OPHN1: variants seen among roughly 807,000 people sequenced by gnomAD.
The protein encoded by OPHN1 is oligophrenin 1.
Under a neutral mutation model 60.7 loss-of-function variants are expected in OPHN1, and 11 were observed. The ratio of observed to expected loss-of-function variants is 0.18; its 90% CI spans 0.11 to 0.30. OPHN1 has a LOEUF of 0.30. Ranked by LOEUF, OPHN1 falls within the 10% of genes least tolerant of loss-of-function variation. The probability of loss-of-function intolerance (pLI) is 1.00; values close to 1 mark genes in which losing one functional copy is unlikely to be tolerated. For missense variants in OPHN1, 449 were observed against 611.0 expected, an observed-to-expected ratio of 0.73 and a Z score of 2.80; for synonymous variants, 226 against 222.6, an observed-to-expected ratio of 1.02 and a Z score of -0.14.
At chrX:68,285,456 AT>A (rs1419040144) in intron 3 of OPHN1, among the ~76,000 whole-genome samples, 3 of 110,085 alleles carry the variant, frequency 2.7e-5, no homozygotes, top group African/African-American at 6.6e-5. Context: ...TTTTTCTCTT[AT>A]TTTTTACAAG....
intron 2 of OPHN1, among the ~76,000 whole-genome samples, chrX:68,400,282 G>T (rs1176233265): frequency 9.0e-6 from 1 of 111,154 alleles, no homozygotes; most frequent in Non-Finnish European, 1.9e-5. Context: ...GCTTTGCAGG[G>T]CGTTTTGTCC....
At chrX:68,144,270 T>A (rs1448635244) in intron 15 of OPHN1, among the ~76,000 whole-genome samples, 1 of 110,496 alleles carries the variant, frequency 9.1e-6, no homozygotes, top group Non-Finnish European at 1.9e-5. Flanking sequence ...GCTCAAGCAA[T>A]CCTCTCACGT....
chrX:68,056,904 T>C (rs2076875248), intron 21 of OPHN1, among the ~76,000 whole-genome samples: 1 of 111,700 alleles, frequency 9.0e-6, no homozygotes, highest in Admixed American at 9.5e-5. Context: ...ATTATAATAA[T>C]AATAGTAATG....
intron 21 of OPHN1, among the ~76,000 whole-genome samples, chrX:68,062,498 T>C (rs1489769742): frequency 1.8e-5 from 2 of 112,240 alleles, no homozygotes; most frequent in Non-Finnish European, 3.8e-5. Context: ...TTACAGGCTA[T>C]ATAAAAAGAG....
chrX:68,137,424 GC>G (rs1486256438), intron 15 of OPHN1, among the ~76,000 whole-genome samples: 1 of 111,491 alleles, frequency 9.0e-6, no homozygotes, highest in African/African-American at 3.3e-5. Flanking sequence ...AGTATTTCTG[GC>G]CCAACCTGAC....
chrX:68,367,827 T>A (rs2078507165), intron 2 of OPHN1, among the ~76,000 whole-genome samples: 1 of 111,059 alleles, frequency 9.0e-6, no homozygotes, highest in African/African-American at 3.3e-5. Flanking sequence ...GGGCACTCAT[T>A]CTCTCTCTTG....
chrX:68,383,130 T>G (rs1400092574), intron 2 of OPHN1, among the ~76,000 whole-genome samples: 1 of 110,475 alleles, frequency 9.1e-6, no homozygotes, highest in Non-Finnish European at 1.9e-5. Flanking sequence ...AAGACCAGCC[T>G]GGACAACATA....
chrX:68,172,528 G>T (rs372104870), intron 15 of OPHN1, among the ~76,000 whole-genome samples: 28 of 111,238 alleles, frequency 2.5e-4, no homozygotes, highest in African/African-American at 8.8e-4. Context: ...TTCTATGACA[G>T]ATTTATCATA....
chrX:68,271,676 G>A (rs1409759356), intron 5 of OPHN1, among the ~76,000 whole-genome samples: 2 of 111,818 alleles, frequency 1.8e-5, no homozygotes, highest in African/African-American at 3.2e-5. Flanking sequence ...AGTGACCAGC[G>A]GAGAAGGTAT....
chrX:68,160,513 A>C (rs1276791703), intron 15 of OPHN1, among the ~76,000 whole-genome samples: 5 of 111,592 alleles, frequency 4.5e-5, no homozygotes, highest in Non-Finnish European at 9.4e-5. Context: ...CATATTCCAG[A>C]ATATACCATA....
At chrX:68,292,364 T>C (rs2078074626) in intron 3 of OPHN1, among the ~76,000 whole-genome samples, 1 of 112,076 alleles carries the variant, frequency 8.9e-6, no homozygotes, top group African/African-American at 3.2e-5. Flanking sequence ...TCCTTGAAAA[T>C]AGTGTTATTA....
At chrX:68,307,310 C>T (rs1461254156) in intron 2 of OPHN1, among the ~76,000 whole-genome samples, 2 of 105,294 alleles carry the variant, frequency 1.9e-5, no homozygotes, top group Admixed American at 1.0e-4. Context: ...TAATAATAGC[C>T]GAGCATGGTG....
intron 2 of OPHN1, among the ~76,000 whole-genome samples, chrX:68,315,207 G>C (rs2078193866): frequency 9.3e-6 from 1 of 107,097 alleles, no homozygotes; most frequent in Admixed American, 1.0e-4. Flanking sequence ...AGGTGACAGA[G>C]TGAGACCCAG....
chrX:68,338,960 C>T (rs2078337201), intron 2 of OPHN1, among the ~76,000 whole-genome samples: 1 of 107,441 alleles, frequency 9.3e-6, no homozygotes, highest in Non-Finnish European at 1.9e-5. Context: ...AGCTTGTAGT[C>T]CCAGCTATTC....
chrX:68,051,365 A>G (rs1224610270), intron 23 of OPHN1, among the ~76,000 whole-genome samples: 1 of 111,858 alleles, frequency 8.9e-6, no homozygotes. Context: ...GCACTTGAGA[A>G]GTTTTAATAA....
chrX:68,146,001 T>C (rs772512561), intron 15 of OPHN1, among the ~76,000 whole-genome samples: 2 of 111,952 alleles, frequency 1.8e-5, no homozygotes, highest in Admixed American at 9.5e-5. Context: ...ACAGAGACCA[T>C]ACAGACCTCA....
intron 2 of OPHN1, among the ~76,000 whole-genome samples, chrX:68,301,095 TC>T (rs1192850004): frequency 9.3e-6 from 1 of 107,915 alleles, no homozygotes; most frequent in African/African-American, 3.7e-5. Context: ...AATACTGTCC[TC>T]ACCTTAGAAT....
At chrX:68,091,063 C>T (rs1427975392) in intron 19 of OPHN1, among the ~76,000 whole-genome samples, 1 of 111,027 alleles carries the variant, frequency 9.0e-6, no homozygotes, top group African/African-American at 3.3e-5. Flanking sequence ...AAGCACAGCT[C>T]ACATCTCAAT....
At position 68,111,783 on chromosome X, in the gene OPHN1, T is replaced by C. The variant is rs2077104918; in HGVS notation, c.1526+71A>G. Reference sequence around the variant, plus strand: ...GGGGCTGAAAGAGCTGAGAGGCAGTTTCTGTGTAGTCCAACCACATGGGCC... The same window carrying C: ...GGGGCTGAAAGAGCTGAGAGGCAGTCTCTGTGTAGTCCAACCACATGGGCC... On this transcript the variant is annotated intron_variant, in intron 18 of 24. Transcript: ENST00000355520. 4.2e-6 allele frequency: 3 copies of C among 717,919 alleles called. No individual in the cohort carries two copies. The East Asian group carries it at 9.6e-5, about 23-fold the overall frequency. 59.2% of individuals were successfully genotyped at this position (717,919 alleles called of 1,213,427 possible). A position where few individuals can be genotyped will look rare whatever the true frequency, so the allele number is the denominator to read the frequency against.
Sources: gnomAD v4.1 joint callset for allele counts (sites outside exome capture counted in the v4.1 genomes callset) on GRCh38, gnomAD v4.1.1 for gene constraint, MANE v1.5 for transcripts, NCBI Gene and HGNC (gene_info 2026-07-23, HGNC 2026-07-21) for gene names.